TBCD: variants seen among roughly 807,000 people sequenced by gnomAD.
The protein encoded by TBCD is tubulin folding cofactor D.
TBCD carries 105 observed loss-of-function variants against 169.3 expected under a neutral mutation model. That is an observed-to-expected ratio of 0.62 (90% CI 0.53 to 0.73). TBCD has a LOEUF of 0.73. Ranked by LOEUF, TBCD falls within the 30% of genes least tolerant of loss-of-function variation. The pLI, the probability that TBCD is intolerant of heterozygous loss-of-function variation, is 0.00. For missense variants in TBCD, 1,444 were observed against 1,600.1 expected (o/e 0.90, Z 1.66); for synonymous variants, 700 against 643.9 (o/e 1.09, Z -1.32).
At chr17:82,843,836 G>C (rs192006870) in intron 13 of TBCD, among the ~76,000 whole-genome samples, 1 of 152,064 alleles carries the variant, frequency 6.6e-6, no homozygotes, top group South Asian at 2.1e-4. Context: ...AGAGAGTTCC[G>C]TCACAGCAGT....
chr17:82,913,790 CGTTGGCCGCT>C (rs1450909312), intron 23 of TBCD: 1 of 152,290 alleles, frequency 6.6e-6, no homozygotes, highest in Non-Finnish European at 1.5e-5. Context: ...TCCTGCTGGG[CGTTGGCCGCT>C]GTTGGCCGCA....
chr17:82,917,024 C>CT lies in TBCD; in HGVS notation c.2039-3518dup, dbSNP rs66678293. On this transcript the variant is annotated intron_variant, in intron 23 of 38. Coordinates refer to ENST00000355528, the MANE Select transcript of TBCD (RefSeq NM_005993.5). ...TGGACTTTTTTTTTTCTTTTCTTTT[C>CT]TTTTTTTTTTTTTTGAGTTGGAGTC... Among the ~76,000 whole-genome samples, 85 of 130,888 alleles carry CT rather than the reference C, an allele frequency of 6.5e-4. 1 individual carries two copies. Among genetic ancestry groups the CT allele is most frequent in the Middle Eastern group, 4.3e-3 (1 of 234 alleles). The allele number at this position is 130,888 out of a possible 152,430, so 85.9% of individuals were successfully genotyped here.
In TBCD at chr17:82,884,247, T is replaced by C; in HGVS notation, c.1533+45T>C. On this transcript the variant is annotated intron_variant, in intron 15 of 38. Transcript: ENST00000355528. This position sits in a 1 kb window ranked among gnomAD's most constrained non-coding sequence, Gnocchi z 4.2. ...TATTTCCTTTCCTGAAGGTGGGGGG[T>C]GGGCCTGGTCTCCCTGATGCTCCTC... 1.9e-6 allele frequency: 3 copies of C among 1,540,854 alleles called. No homozygotes were observed. Among genetic ancestry groups the C allele is most frequent in the Non-Finnish European group, 2.6e-6 (3 of 1,132,466 alleles).
rs2048138153 is a variant in TBCD, at chr17:82,768,492, C to T, written c.508C>T (p.Leu170Phe). ...CCTGATCCCTTTTGATTTTTCTCGC[C>T]TTGACGGGAACCTCCTCACCCAGCC... The part of the protein sequence containing the change: ...TCLIPFDFSR[L>F]DGNLLTQPGQ... The change falls in exon 5 of 39, where the codon CTT becomes TTT. Residue 170 changes from leucine (L) to phenylalanine (F), a missense_variant. Physicochemically the swap from Leu to Phe is conservative, Grantham distance 22 (BLOSUM62 0). Coordinates refer to ENST00000355528, the MANE Select transcript of TBCD (RefSeq NM_005993.5). 4 of 1,613,990 alleles carry T rather than the reference C, an allele frequency of 2.5e-6. No individual in the cohort carries two copies. Among genetic ancestry groups the T allele is most frequent in the Middle Eastern group, 1.6e-4 (1 of 6,062 alleles).
chr17:82,784,270 C>G lies in TBCD; in HGVS notation c.771+2549C>G, dbSNP rs192594225. ...TAAAAAGATTTTTCTGGTGGCATAC[C>G]TGTCGTACTGATGAAATAGAGGACC... is the stretch of plus-strand genomic sequence containing the variant. On this transcript the variant is annotated intron_variant, in intron 7 of 38. Coordinates refer to ENST00000355528, the MANE Select transcript of TBCD (RefSeq NM_005993.5). Among the ~76,000 whole-genome samples, 41 of 152,210 alleles carry G rather than the reference C, an allele frequency of 2.7e-4. 2 individuals are homozygous for G. In the East Asian group the frequency reaches 6.9e-3, roughly 26 times the overall value.
chr17:82,774,252 C>G (rs2048449932), intron 6 of TBCD, among the ~76,000 whole-genome samples: 1 of 152,098 alleles, frequency 6.6e-6, no homozygotes, highest in Non-Finnish European at 1.5e-5. Context: ...GGTGATGACT[C>G]TTAAGGAGCA....
intron 37 of TBCD, 136 bp downstream of exon 37, chr17:82,939,612 G>T: frequency 1.4e-6 from 1 of 720,074 alleles, no homozygotes; most frequent in Non-Finnish European, 2.3e-6. Flanking sequence ...CACATCCTCT[G>T]CTTAGGTTTT....
At chr17:82,808,595 G>T (rs1393828602) in intron 11 of TBCD, among the ~76,000 whole-genome samples, 5 of 142,880 alleles carry the variant, frequency 3.5e-5, no homozygotes, top group Non-Finnish European at 7.6e-5. Context: ...AGGGGATGAG[G>T]CAGGTCCAAG....
In TBCD at chr17:82,932,788, G is replaced by A. The variant is rs1161719670; in HGVS notation, c.3191+53G>A. On this transcript the variant is annotated intron_variant, in intron 34 of 38. Coordinates refer to ENST00000355528, the MANE Select transcript of TBCD (RefSeq NM_005993.5). ...TTCCGATTAAGCCTAAGTAGCTCATGTATTAAAGAAAAAGTCATCAGACAC... is the reference window on the plus strand; with the variant it reads ...TTCCGATTAAGCCTAAGTAGCTCATATATTAAAGAAAAAGTCATCAGACAC... The A allele has an allele frequency of 3.2e-6, 5 of 1,566,442 alleles. No homozygotes were observed. The Admixed American group carries it at 8.6e-5, about 27-fold the overall frequency.
chr17:82,887,505 G>A (rs1206289674), intron 15 of TBCD, among the ~76,000 whole-genome samples: 1 of 152,140 alleles, frequency 6.6e-6, no homozygotes, highest in Non-Finnish European at 1.5e-5. Flanking sequence ...GTTGCTGAGT[G>A]GTGCCGTGGT....
chr17:82,865,312 G>A (rs1218186753), intron 13 of TBCD, among the ~76,000 whole-genome samples: 2 of 152,160 alleles, frequency 1.3e-5, no homozygotes, highest in African/African-American at 2.4e-5. Flanking sequence ...GGACGGCCAC[G>A]CGGCTCTCGG....
At chr17:82,933,477 C>T (rs1447536721) in intron 34 of TBCD, among the ~76,000 whole-genome samples, 1 of 152,072 alleles carries the variant, frequency 6.6e-6, no homozygotes, top group African/African-American at 2.4e-5. Flanking sequence ...TGGTCTTGAA[C>T]TCCTGGCCCC....
intron 2 of TBCD, among the ~76,000 whole-genome samples, chr17:82,763,756 A>T (rs1047432360): frequency 2.6e-5 from 4 of 152,066 alleles, no homozygotes; most frequent in Non-Finnish European, 5.9e-5. Context: ...AAAAGAAAAA[A>T]AAGAGACGGG....
intron 6 of TBCD, among the ~76,000 whole-genome samples, chr17:82,777,794 C>G (rs565948475): frequency 2.0e-3 from 308 of 152,280 alleles, no homozygotes; most frequent in African/African-American, 6.6e-3. Context: ...TGACTGATGT[C>G]AGGCCCTCCA....
At chr17:82,761,259 C>A (rs35891238) in intron 2 of TBCD, among the ~76,000 whole-genome samples, 1 of 152,042 alleles carries the variant, frequency 6.6e-6, no homozygotes, top group Non-Finnish European at 1.5e-5. Flanking sequence ...CCACCGTGCC[C>A]GGCCAGTTGT....
chr17:82,816,664 G>T (rs1258026595), intron 13 of TBCD, among the ~76,000 whole-genome samples: 2 of 151,868 alleles, frequency 1.3e-5, no homozygotes, highest in African/African-American at 2.4e-5. Flanking sequence ...CTCCTGAGTA[G>T]CTGGGACCAC....
chr17:82,891,499 C>T (rs1290043397), intron 16 of TBCD, among the ~76,000 whole-genome samples: 1 of 152,148 alleles, frequency 6.6e-6, no homozygotes, highest in Non-Finnish European at 1.5e-5. Context: ...AGGTGCGGAG[C>T]GTCTCCCAGC....
rs181033738 is a variant in TBCD, at chr17:82,815,578, C to T, written c.1318+644C>T. ...GACCAGCTCTTGTGCCGTGGCCACA[C>T]GCAGCCCTGTCTGTGTTTGGTGGGG... On this transcript the variant is annotated intron_variant, in intron 13 of 38. Coordinates refer to ENST00000355528, the MANE Select transcript of TBCD (RefSeq NM_005993.5). Among the ~76,000 whole-genome samples, 203 of 152,344 alleles carry T rather than the reference C, an allele frequency of 1.3e-3. 1 individual carries two copies. Among genetic ancestry groups the T allele is most frequent in the Admixed American group, 2.8e-3 (43 of 15,304 alleles).
In TBCD at chr17:82,811,978, C is replaced by G. The variant is rs185419067; in HGVS notation, c.1223+2196C>G. Among the ~76,000 whole-genome samples the G allele has an allele frequency of 9.2e-5, 14 of 152,296 alleles. 3 individuals are homozygous for G. Among genetic ancestry groups the G allele is most frequent in the Admixed American group, 9.2e-4 (14 of 15,300 alleles). On this transcript the variant is annotated intron_variant, in intron 12 of 38. Transcript: ENST00000355528. ...GGTTATGCAGTGAGTGGAACTGCAC[C>G]CATCCCCAGGGGGTTCAGGATCTGT...
Sources: gnomAD v4.1 joint callset for allele counts (sites outside exome capture counted in the v4.1 genomes callset) on GRCh38, gnomAD v4.1.1 for gene constraint, Gnocchi (gnomAD v3.1) non-coding constraint, MANE v1.5 for transcripts, NCBI Gene and HGNC (gene_info 2026-07-23, HGNC 2026-07-21) for gene names.